Variants in QTMAN observed in about 807,000 individuals in gnomAD.
The protein encoded by QTMAN is tRNA-queuosine alpha-mannosyltransferase.
the QTMAN span, among the ~76,000 whole-genome samples, chr2:144,309,086 T>C: frequency 1.3e-5 from 2 of 152,072 alleles, no homozygotes; most frequent in African/African-American, 4.8e-5. Context: ...ATACACCCAA[T>C]AGAGTGTCTG....
the QTMAN span, among the ~76,000 whole-genome samples, chr2:144,002,062 A>ATAGG: frequency 6.6e-6 from 1 of 152,098 alleles, no homozygotes; most frequent in South Asian, 2.1e-4. Flanking sequence ...CTGTGTTGAC[A>ATAGG]TAGGCCCTGA....
the QTMAN span, among the ~76,000 whole-genome samples, chr2:144,292,745 A>G: frequency 6.6e-6 from 1 of 152,218 alleles, no homozygotes; most frequent in Non-Finnish European, 1.5e-5. Context: ...GCTATAACTT[A>G]CTTAAATTAT....
the QTMAN span, among the ~76,000 whole-genome samples, chr2:143,976,777 C>G: frequency 1.3e-5 from 2 of 152,234 alleles, no homozygotes; most frequent in East Asian, 3.8e-4. Context: ...TCTAACCCTA[C>G]AGGTGCTCCT....
the QTMAN span, among the ~76,000 whole-genome samples, chr2:144,247,819 A>G: frequency 6.6e-6 from 1 of 152,138 alleles, no homozygotes; most frequent in Non-Finnish European, 1.5e-5. Context: ...TTGGGACTAC[A>G]GGCACACGCC....
the QTMAN span, among the ~76,000 whole-genome samples, chr2:144,069,844 T>C: frequency 8.5e-5 from 13 of 152,234 alleles, no homozygotes; most frequent in Admixed American, 7.9e-4. Context: ...GCAGCTGCAT[T>C]ATTTAAAATA....
the QTMAN span, among the ~76,000 whole-genome samples, chr2:143,963,545 C>G: frequency 1.3e-5 from 2 of 151,782 alleles, no homozygotes; most frequent in African/African-American, 4.8e-5. Flanking sequence ...TCACTTCATA[C>G]ATGTTCTGAA....
At chr2:144,193,631 CCACCA>C in the QTMAN span, among the ~76,000 whole-genome samples, 1 of 151,782 alleles carries the variant, frequency 6.6e-6, no homozygotes, top group Non-Finnish European at 1.5e-5. Flanking sequence ...AGTGATCGTC[CCACCA>C]CAGCCTCCCA....
At chr2:143,947,288 A>T in the QTMAN span, among the ~76,000 whole-genome samples, 2 of 152,164 alleles carry the variant, frequency 1.3e-5, no homozygotes, top group Non-Finnish European at 1.5e-5. Flanking sequence ...GAGTTTCATC[A>T]CCTCAGGAAA....
At chr2:143,960,816 A>C in the QTMAN span, among the ~76,000 whole-genome samples, 1 of 152,146 alleles carries the variant, frequency 6.6e-6, no homozygotes, top group Non-Finnish European at 1.5e-5. Context: ...AAGTGAAAAA[A>C]AAAATACAGG....
At chr2:144,173,674 T>G in the QTMAN span, among the ~76,000 whole-genome samples, 1 of 152,166 alleles carries the variant, frequency 6.6e-6, no homozygotes, top group Non-Finnish European at 1.5e-5. Context: ...TGGGCATGAT[T>G]TCCTTTGTTA....
At chr2:144,178,622 A>G in the QTMAN span, 1 of 153,616 alleles carries the variant, frequency 6.5e-6, no homozygotes, top group South Asian at 2.0e-4. Context: ...GGCTTTCCCT[A>G]GGCATCTCAC....
the QTMAN span, among the ~76,000 whole-genome samples, chr2:144,237,026 C>T: frequency 6.6e-6 from 1 of 152,120 alleles, no homozygotes; most frequent in Non-Finnish European, 1.5e-5. Context: ...TTTAGACAAT[C>T]ACCTTCTGGG....
the QTMAN span, among the ~76,000 whole-genome samples, chr2:144,106,084 C>G: frequency 6.6e-6 from 1 of 152,122 alleles, no homozygotes; most frequent in Non-Finnish European, 1.5e-5. Flanking sequence ...CAGGCCTGCC[C>G]TAAAAGAGCT....
At chr2:144,111,391 A>G in the QTMAN span, among the ~76,000 whole-genome samples, 1 of 152,148 alleles carries the variant, frequency 6.6e-6, no homozygotes, top group Non-Finnish European at 1.5e-5. Flanking sequence ...GCTCCAACTC[A>G]TTTCCAAATA....
chr2:144,023,842 TAAA>T, the QTMAN span, among the ~76,000 whole-genome samples: 1 of 151,448 alleles, frequency 6.6e-6, no homozygotes, highest in Non-Finnish European at 1.5e-5. Flanking sequence ...TCATAGAAAA[TAAA>T]AAAAAATTTC....
chr2:143,982,665 A>G, the QTMAN span, among the ~76,000 whole-genome samples: 3 of 150,732 alleles, frequency 2.0e-5, no homozygotes, highest in African/African-American at 7.3e-5. Flanking sequence ...GTTCGAGAGC[A>G]GCCTGGCCAA....
chr2:144,219,782 A>T, the QTMAN span, among the ~76,000 whole-genome samples: 1 of 152,170 alleles, frequency 6.6e-6, no homozygotes, highest in Non-Finnish European at 1.5e-5. Context: ...AAATCATGCC[A>T]CTGCACTCCA....
chr2:144,103,219 T>C, the QTMAN span, among the ~76,000 whole-genome samples: 1 of 152,198 alleles, frequency 6.6e-6, no homozygotes, highest in Non-Finnish European at 1.5e-5. Context: ...CACAAACTAG[T>C]GTATTAGATA....
At chr2:144,117,527 TAA>T in the QTMAN span, among the ~76,000 whole-genome samples, 9 of 152,228 alleles carry the variant, frequency 5.9e-5, no homozygotes, top group Non-Finnish European at 1.2e-4. Context: ...CTAAGCACAT[TAA>T]GTTTCTAACA....
Sources: gnomAD v4.1 joint callset for allele counts (sites outside exome capture counted in the v4.1 genomes callset) on GRCh38, gnomAD v4.1.1 for gene constraint, MANE v1.5 for transcripts, NCBI Gene and HGNC (gene_info 2026-07-23, HGNC 2026-07-21) for gene names.